The following RIMS2 variants were observed in gnomAD, a reference collection of about 807,000 sequenced individuals.
RIMS2 encodes the protein regulating synaptic membrane exocytosis protein 2.
Under a neutral mutation model 174.4 loss-of-function variants are expected in RIMS2, and 59 were observed. That is an observed-to-expected ratio of 0.34 (90% confidence interval 0.27 to 0.42). The LOEUF (loss-of-function observed/expected upper bound fraction) is 0.42, where lower values mean the gene tolerates loss of function less well. RIMS2 is among the 10% of genes least tolerant of loss of function. The pLI is 1.00. For missense variants in RIMS2, 1,620 were observed against 1,666.3 expected (o/e 0.97, Z 0.48); for synonymous variants, 606 against 572.5 (o/e 1.06, Z -0.84).
chr8:103,688,299 A>C (rs530972226), intron 1 of RIMS2, among the ~76,000 whole-genome samples: 1 of 152,224 alleles, frequency 6.6e-6, no homozygotes, highest in East Asian at 1.9e-4. Context: ...TTTATTTATC[A>C]TGAAAGGATA....
intron 3 of RIMS2, among the ~76,000 whole-genome samples, chr8:103,789,134 G>A (rs572953191): frequency 0.065 from 9,959 of 152,160 alleles, 366 homozygotes; most frequent in Non-Finnish European, 0.078. Flanking sequence ...TTCGGCTCGT[G>A]CACGGTGCGC....
chr8:104,048,624 C>G (rs2096733442), intron 19 of RIMS2, among the ~76,000 whole-genome samples: 1 of 152,000 alleles, frequency 6.6e-6, no homozygotes, highest in Non-Finnish European at 1.5e-5. Context: ...ACAATAAAAA[C>G]GATCTTACAA....
intron 16 of RIMS2, among the ~76,000 whole-genome samples, chr8:103,977,622 A>C (rs1406737464): frequency 2.0e-5 from 3 of 152,168 alleles, no homozygotes; most frequent in Non-Finnish European, 2.9e-5. Context: ...TGTAATCTGG[A>C]AATTGTATCA....
intron 1 of RIMS2, among the ~76,000 whole-genome samples, chr8:103,674,164 C>G (rs2096779916): frequency 6.6e-6 from 1 of 152,192 alleles, no homozygotes; most frequent in Admixed American, 6.5e-5. Flanking sequence ...ATTTTAGTGT[C>G]CATACCACTA....
intron 17 of RIMS2, among the ~76,000 whole-genome samples, chr8:104,009,848 A>G (rs1455603992): frequency 6.6e-6 from 1 of 152,166 alleles, no homozygotes; most frequent in Non-Finnish European, 1.5e-5. Context: ...AATACAGACT[A>G]GGTCCTGAGT....
chr8:104,037,859 G>A (rs532659829), intron 19 of RIMS2, among the ~76,000 whole-genome samples: 1 of 152,152 alleles, frequency 6.6e-6, no homozygotes, highest in African/African-American at 2.4e-5. Flanking sequence ...GTTCAGTCAA[G>A]GATGGATGCA....
chr8:104,224,036 A>G (rs1194449246), intron 19 of RIMS2, among the ~76,000 whole-genome samples: 1 of 152,206 alleles, frequency 6.6e-6, no homozygotes, highest in Non-Finnish European at 1.5e-5. Flanking sequence ...TTGTATTACA[A>G]GTGCTTGGAA....
chr8:104,162,996 A>G (rs923062164), intron 19 of RIMS2, among the ~76,000 whole-genome samples: 2 of 152,178 alleles, frequency 1.3e-5, no homozygotes, highest in Non-Finnish European at 2.9e-5. Flanking sequence ...AAGACTTCCA[A>G]AGACACAGTT....
intron 1 of RIMS2, among the ~76,000 whole-genome samples, chr8:103,630,753 A>T (rs1473461142): frequency 3.3e-5 from 5 of 152,190 alleles, no homozygotes; most frequent in Admixed American, 6.5e-5. Context: ...AAATACTAGA[A>T]TATTAAAATA....
chr8:104,199,888 A>G (rs984949467), intron 19 of RIMS2, among the ~76,000 whole-genome samples: 4 of 152,342 alleles, frequency 2.6e-5, no homozygotes, highest in Non-Finnish European at 5.9e-5. Context: ...CTTGAAGTCT[A>G]AAGTGTGCTT....
At chr8:103,809,230 A>T (rs144406424) in intron 3 of RIMS2, among the ~76,000 whole-genome samples, 1 of 151,652 alleles carries the variant, frequency 6.6e-6, no homozygotes, top group African/African-American at 2.4e-5. Flanking sequence ...GGCTTGGCCA[A>T]TGCTTATCAT....
chr8:104,026,078 A>T (rs1030918915), intron 19 of RIMS2, among the ~76,000 whole-genome samples: 2 of 152,186 alleles, frequency 1.3e-5, no homozygotes, highest in Admixed American at 1.3e-4. Context: ...GTATGACTGT[A>T]TATAGTTTAG....
chr8:103,988,991 G>A (rs2094529152), intron 16 of RIMS2, among the ~76,000 whole-genome samples: 1 of 152,086 alleles, frequency 6.6e-6, no homozygotes, highest in Admixed American at 6.5e-5. Flanking sequence ...ATATTATTGA[G>A]TATCAGTACT....
At chr8:103,700,378 A>G (rs1033963274) in intron 2 of RIMS2, among the ~76,000 whole-genome samples, 1 of 151,904 alleles carries the variant, frequency 6.6e-6, no homozygotes, top group Non-Finnish European at 1.5e-5. Flanking sequence ...ATACATGTAT[A>G]TAGACCAAGT....
intron 19 of RIMS2, among the ~76,000 whole-genome samples, chr8:104,171,659 G>A (rs1391109803): frequency 6.6e-6 from 1 of 152,008 alleles, no homozygotes. Flanking sequence ...TTTCATTTTG[G>A]TTTGGATCCA....
chr8:103,962,278 A>G (rs2090384169), intron 15 of RIMS2, among the ~76,000 whole-genome samples: 1 of 152,018 alleles, frequency 6.6e-6, no homozygotes, highest in Non-Finnish European at 1.5e-5. Context: ...TCCCTCCTAT[A>G]AAAGGAGTTG....
intron 1 of RIMS2, among the ~76,000 whole-genome samples, chr8:103,578,542 A>AAAAAC (rs918391191): frequency 1.3e-5 from 2 of 152,060 alleles, no homozygotes; most frequent in Admixed American, 6.5e-5. Context: ...ACAAAAAACA[A>AAAAAC]AAAACAAAAC....
chr8:103,978,052 C>G (rs908702270), intron 16 of RIMS2, among the ~76,000 whole-genome samples: 1 of 152,070 alleles, frequency 6.6e-6, no homozygotes, highest in South Asian at 2.1e-4. Flanking sequence ...CCCAGGGGAC[C>G]CACCCTTAGT....
intron 1 of RIMS2, among the ~76,000 whole-genome samples, chr8:103,602,459 C>A (rs1490937390): frequency 6.6e-6 from 1 of 151,686 alleles, no homozygotes; most frequent in African/African-American, 2.4e-5. Context: ...CCTCCTCCCA[C>A]TCTTCACCCT....
Sources: gnomAD v4.1 joint callset for allele counts (sites outside exome capture counted in the v4.1 genomes callset) on GRCh38, gnomAD v4.1.1 for gene constraint, MANE v1.5 for transcripts, NCBI Gene and HGNC (gene_info 2026-07-23, HGNC 2026-07-21) for gene names.